Variants in PLAGL1 observed in about 807,000 individuals in gnomAD.
The protein encoded by PLAGL1 is zinc finger protein PLAGL1.
PLAGL1 carries 1 observed loss-of-function variant against 4.6 expected under a neutral mutation model. The observed-to-expected ratio is 0.22, with a 90% confidence interval of 0.08 to 1.03. The LOEUF is 1.03. PLAGL1 is among the 50% of genes least tolerant of loss of function. The probability of loss-of-function intolerance (pLI) is 0.58; values close to 1 mark genes in which losing one functional copy is unlikely to be tolerated. For synonymous variants in PLAGL1, 240 were observed against 237.8 expected, an observed-to-expected ratio of 1.01 and a Z score of -0.08; for missense variants, 464 against 570.4, an observed-to-expected ratio of 0.81 and a Z score of 1.90.
chr6:144,057,399 C>A (rs1435274576), intron 1 of PLAGL1, among the ~76,000 whole-genome samples: 2 of 152,142 alleles, frequency 1.3e-5, no homozygotes, highest in Non-Finnish European at 1.5e-5. Flanking sequence ...TAAAAATCAC[C>A]TTTCTTCTCA....
chr6:144,029,206 C>T (rs1258569265), intron 1 of PLAGL1, among the ~76,000 whole-genome samples: 2 of 152,106 alleles, frequency 1.3e-5, no homozygotes, highest in African/African-American at 2.4e-5. Flanking sequence ...ACATATAAAT[C>T]TTTCAACATA....
chr6:143,950,856 G>A lies in PLAGL1; in HGVS notation c.-324-2396C>T, dbSNP rs79104932. ...GATGGCTACTGAGCACTCAAAATGT[G>A]CCTCTGAGAAACTGAAACTTTTACT... On this transcript the variant is annotated intron_variant, in intron 6 of 7. Transcript: ENST00000674357. This position sits in a 1 kb window ranked among gnomAD's most constrained non-coding sequence, Gnocchi z 6.3. Among the ~76,000 whole-genome samples, 7,422 of 152,270 alleles carry A rather than the reference G, an allele frequency of 0.049. 611 individuals carry two copies. The highest frequency in any genetic ancestry group is 0.17 in the African/African-American group (7,065 of 41,532).
Position 144,050,018 on chromosome 6 carries a change from G to T in PLAGL1, c.-151+14450C>A, listed in dbSNP as rs941777524. Among the ~76,000 whole-genome samples the T allele has an allele frequency of 6.6e-6, 1 of 152,148 alleles. No individual in the cohort carries two copies. Among genetic ancestry groups the T allele is most frequent in the Admixed American group, 6.5e-5 (1 of 15,274 alleles). ...GGTGCAGATGCGAAAAATGGCAGAA[G>T]GGGGAAAGGGTGAATGGGAGGGAAG... On this transcript the variant is annotated intron_variant, in intron 1 of 3. Transcript: ENST00000437412. The surrounding 1 kb of genome is among the most constrained non-coding windows in gnomAD (Gnocchi z 4.3).
chr6:143,977,292 G>A (rs150194281), intron 2 of PLAGL1, among the ~76,000 whole-genome samples: 2 of 151,856 alleles, frequency 1.3e-5, no homozygotes, highest in Admixed American at 6.6e-5. Context: ...AAGTTTTGCC[G>A]ATCTTTTTAC....
intron 1 of PLAGL1, among the ~76,000 whole-genome samples, chr6:144,030,171 C>T (rs1383317495): frequency 7.6e-6 from 1 of 131,464 alleles, no homozygotes; most frequent in East Asian, 2.6e-4. Context: ...AGGAGAATGG[C>T]GTGAACCTGG....
At chr6:143,977,470 C>T (rs1040750107) in intron 2 of PLAGL1, among the ~76,000 whole-genome samples, 41 of 69,300 alleles carry the variant, frequency 5.9e-4, no homozygotes, top group East Asian at 1.3e-3. Context: ...TCTTCTTCTT[C>T]TTTTTTTTTT....
Position 144,050,248 on chromosome 6 carries a change from T to C in PLAGL1, c.-151+14220A>G, listed in dbSNP as rs570010731. Among the ~76,000 whole-genome samples the C allele has an allele frequency of 3.9e-4, 60 of 152,296 alleles. 2 individuals carry two copies. In the South Asian group the frequency reaches 8.5e-3, roughly 22 times the overall value. Reference sequence around the variant, plus strand: ...ATTCCAGGACAATACACCCACTGTGTGACATGCTAGGGGCAACCTCCTGTG... The same window carrying C: ...ATTCCAGGACAATACACCCACTGTGCGACATGCTAGGGGCAACCTCCTGTG... On this transcript the variant is annotated intron_variant, in intron 1 of 3. Transcript: ENST00000437412. The surrounding 1 kb of genome is among the most constrained non-coding windows in gnomAD (Gnocchi z 4.3).
At position 143,952,961 on chromosome 6, in the gene PLAGL1, TCATGGCTGC is replaced by T. The variant is rs1057211184; in HGVS notation, c.-324-4510_-324-4502del. On this transcript the variant is annotated intron_variant, in intron 6 of 7. Coordinates refer to ENST00000674357, the MANE Select transcript of PLAGL1 (RefSeq NM_001317162.2). This position sits in a 1 kb window ranked among gnomAD's most constrained non-coding sequence, Gnocchi z 6.1. ...GATGATATCCAGAACCTCCAGGTAG[TCATGGCTGC>T]CATGGCTGCAGACCTCACTCCCATC... 3.9e-5 allele frequency among the ~76,000 whole-genome samples: 6 copies of T among 152,218 alleles called. No individual in the cohort carries two copies. The highest frequency in any genetic ancestry group is 8.8e-5 in the Non-Finnish European group (6 of 68,038).
At chr6:144,019,588 G>A (rs76711082) in intron 1 of PLAGL1, among the ~76,000 whole-genome samples, 1 of 152,012 alleles carries the variant, frequency 6.6e-6, no homozygotes, top group East Asian at 1.9e-4. Context: ...TAGTCCTGTG[G>A]TTATGTAGGA....
rs962192931 is a variant in PLAGL1 at position 144,053,827 on chromosome 6, T to C, written c.-151+10641A>G. Among the ~76,000 whole-genome samples, 1 of 152,222 alleles carries C rather than the reference T, an allele frequency of 6.6e-6. No homozygotes were observed. The highest frequency in any genetic ancestry group is 2.4e-5 in the African/African-American group (1 of 41,456). On this transcript the variant is annotated intron_variant, in intron 1 of 3. Transcript: ENST00000437412. This position sits in a 1 kb window ranked among gnomAD's most constrained non-coding sequence, Gnocchi z 4.0. ...TTATCAGCACATCCTTCTAGGCAGC[T>C]ACAATAAAATATGATGAAACTTATT...
chr6:143,998,308 G>A (rs1412799022), intron 1 of PLAGL1, among the ~76,000 whole-genome samples: 1 of 152,156 alleles, frequency 6.6e-6, no homozygotes, highest in Non-Finnish European at 1.5e-5. Flanking sequence ...TACCATAAAT[G>A]CTTCTGTTCA....
At chr6:144,018,838 TTAA>T (rs1168544331) in intron 1 of PLAGL1, among the ~76,000 whole-genome samples, 1 of 152,184 alleles carries the variant, frequency 6.6e-6, no homozygotes, top group Admixed American at 6.5e-5. Flanking sequence ...AAATTAAATC[TTAA>T]TGATGGAATA....
Position 144,053,047 on chromosome 6 carries a change from A to T in PLAGL1, c.-151+11421T>A, listed in dbSNP as rs1252248844. On this transcript the variant is annotated intron_variant, in intron 1 of 3. Coordinates refer to the PLAGL1 transcript ENST00000437412. The surrounding 1 kb of genome is among the most constrained non-coding windows in gnomAD (Gnocchi z 4.0). ...AGCACCAATACTTGTAAATGCTTTG[A>T]TAAACAAGGATGAAATTATTTATTT... Among the ~76,000 whole-genome samples, 2 of 152,226 alleles carry T rather than the reference A, an allele frequency of 1.3e-5. No homozygotes were observed. Among genetic ancestry groups the T allele is most frequent in the African/African-American group, 4.8e-5 (2 of 41,464 alleles).
Position 143,963,923 on chromosome 6 carries a change from G to A in PLAGL1, c.-399+864C>T, listed in dbSNP as rs1378450391. 6.6e-6 allele frequency among the ~76,000 whole-genome samples: 1 copy of A among 152,160 alleles called. No individual in the cohort carries two copies. Among genetic ancestry groups the A allele is most frequent in the Non-Finnish European group, 1.5e-5 (1 of 68,022 alleles). On this transcript the variant is annotated intron_variant, in intron 5 of 7. Transcript: ENST00000674357. The surrounding 1 kb of genome is among the most constrained non-coding windows in gnomAD (Gnocchi z 6.1). Reference sequence around the variant, plus strand: ...CAGGTGGCAGGCTTTGTAATCCCTTGTATTTTCATCCAGCTGAAGACAGAA... The same window carrying A: ...CAGGTGGCAGGCTTTGTAATCCCTTATATTTTCATCCAGCTGAAGACAGAA...
chr6:144,058,217 A>G (rs563073778), intron 1 of PLAGL1, among the ~76,000 whole-genome samples: 1 of 152,308 alleles, frequency 6.6e-6, no homozygotes, highest in African/African-American at 2.4e-5. Flanking sequence ...AGCATGTCAC[A>G]TGATGAGAGT....
rs1790109004 is a variant in PLAGL1 at position 143,990,091 on chromosome 6, G to A, written c.-583-4917C>T. On this transcript the variant is annotated intron_variant, in intron 1 of 7. Coordinates refer to ENST00000674357, the MANE Select transcript of PLAGL1 (RefSeq NM_001317162.2). This position sits in a 1 kb window ranked among gnomAD's most constrained non-coding sequence, Gnocchi z 5.4. ...CTTTTTACTAAAGATACTTGTCATC[G>A]ACACATACTATGCTCTGATATTCCC... is the stretch of plus-strand genomic sequence containing the variant. Among the ~76,000 whole-genome samples the A allele has an allele frequency of 6.6e-6, 1 of 151,640 alleles. No individual in the cohort carries two copies. The highest frequency in any genetic ancestry group is 1.5e-5 in the Non-Finnish European group (1 of 67,932).
rs780028654 is a variant in PLAGL1 at position 143,941,615 on chromosome 6, T to C, written c.1201A>G (p.Ser401Gly). 6.2e-7 allele frequency: 1 copy of C among 1,614,012 alleles called. No individual in the cohort carries two copies. Among genetic ancestry groups the C allele is most frequent in the East Asian group, 2.2e-5 (1 of 44,868 alleles). Residue 401 changes from serine to glycine, a missense_variant, in exon 8 of 8, where the codon AGC becomes GGC. This residue lies in a region of PLAGL1 where 248 missense variants were observed against 250.1 expected (regional missense o/e 0.99). Transcript: ENST00000674357. The surrounding 1 kb of genome is among the most constrained non-coding windows in gnomAD (Gnocchi z 6.0). ...PPATQNTFGN[S>G]TLALGPGESL... Reference sequence around the variant, plus strand: ...TCCCCAGGCCCCAGGGCAAGAGTGCTATTCCCAAAGGTATTTTGGGTAGCA... The same window carrying C: ...TCCCCAGGCCCCAGGGCAAGAGTGCCATTCCCAAAGGTATTTTGGGTAGCA...
intron 2 of PLAGL1, among the ~76,000 whole-genome samples, chr6:143,974,975 C>T (rs2128590110): frequency 6.6e-6 from 1 of 152,252 alleles, no homozygotes; most frequent in African/African-American, 2.4e-5. Flanking sequence ...AAAGCATTTA[C>T]AAAACACTGA....
chr6:144,023,245 C>A (rs1796099286), intron 1 of PLAGL1, among the ~76,000 whole-genome samples: 1 of 152,156 alleles, frequency 6.6e-6, no homozygotes, highest in African/African-American at 2.4e-5. Flanking sequence ...AGTAGATTGA[C>A]TGGGTGAACA....
Sources: allele counts gnomAD v4.1 joint callset (sites outside exome capture counted in the v4.1 genomes callset), GRCh38; gene constraint gnomAD v4.1.1; regional missense constraint gnomAD v4.1.1; non-coding constraint Gnocchi (gnomAD v3.1); transcripts MANE v1.5; gene names NCBI Gene and HGNC (gene_info 2026-07-23, HGNC 2026-07-21).